Variants in PROCA1 observed in about 807,000 individuals in gnomAD.
The protein encoded by PROCA1 is protein interacting with cyclin A1, also known as protein PROCA1.
A neutral mutation model predicts 23.2 loss-of-function variants in PROCA1; 22 were observed. The ratio of observed to expected loss-of-function variants is 0.95; its 90% confidence interval spans 0.68 to 1.35. The LOEUF (loss-of-function observed/expected upper bound fraction) is 1.35. Ranked by LOEUF, PROCA1 falls within the 40% of genes most tolerant of loss-of-function variation. The pLI is 0.00. For missense variants in PROCA1, 469 were observed against 459.8 expected (o/e 1.02, Z -0.18); for synonymous variants, 182 against 179.2 (o/e 1.02, Z -0.12).
Position 28,704,127 on chromosome 17 carries a change from C to G in PROCA1, c.526G>C (p.Glu176Gln). 1 of 1,565,930 alleles carries G rather than the reference C, an allele frequency of 6.4e-7. No individual in the cohort carries two copies. The highest frequency in any genetic ancestry group is 8.6e-7 in the Non-Finnish European group (1 of 1,162,398). The change falls in exon 5 of 5, where the codon GAG becomes CAG. Residue 176 changes from glutamate to glutamine, a missense_variant. Physicochemically the swap from Glu to Gln is conservative, Grantham distance 29. Coordinates refer to ENST00000682792, the MANE Select transcript of PROCA1 (RefSeq NM_001366301.1). ...TTGCTTTCCTCCTCCTCCTCTTCCT[C>G]TTCTTCATTTAGATCATCTGCCCCA... Reference protein sequence around the residue: ...ECGADDLNEEEEEEEEESKPP... With the variant: ...ECGADDLNEEQEEEEEESKPP...
Position 28,711,740 on chromosome 17 carries a change from GC to G in PROCA1, c.-81del. 1 of 1,296,686 alleles carries G rather than the reference GC, an allele frequency of 7.7e-7. No homozygotes were observed. The highest frequency in any genetic ancestry group is 1.1e-6 in the Non-Finnish European group (1 of 950,992). The allele number at this position is 1,296,686 out of a possible 1,614,324, so 80.3% of individuals were successfully genotyped here. On this transcript the variant is annotated 5_prime_UTR_variant, in exon 1 of 5. An upstream open reading frame in the 5' UTR gains an earlier in-frame stop. Transcript: ENST00000682792. ...GAGCCTCAGCCCGGCCGAGCCCTCG[GC>G]CCAGCCGTGAACTCCAGTCTCGGCT... is the stretch of plus-strand genomic sequence containing the variant.
rs975660764 is a variant in PROCA1 at position 28,704,167 on chromosome 17, T to A, written c.486A>T (p.Pro162=). Residue 162 remains proline, a synonymous_variant, in exon 5 of 5, where the codon CCA becomes CCT. Coordinates refer to ENST00000682792, the MANE Select transcript of PROCA1 (RefSeq NM_001366301.1). ...CATCTGCCCCACACTCATGGTAGAG[T>A]GGATGGTGGATCACTGCCACAGAGA... ...RPVSVAVIHH[P]LYHECGADDL... is the part of the protein sequence containing the mutation. 6.5e-6 allele frequency: 10 copies of A among 1,541,982 alleles called. 1 individual carries two copies. In the South Asian group the frequency reaches 1.3e-4, roughly 19 times the overall value.
chr17:28,711,780 G>A lies in PROCA1; in HGVS notation c.-120C>T, dbSNP rs866750672. On this transcript the variant is annotated 5_prime_UTR_variant, in exon 1 of 5. Coordinates refer to ENST00000682792, the MANE Select transcript of PROCA1 (RefSeq NM_001366301.1). The stretch of plus-strand genomic sequence containing the variant: ...CCAGTCTCGGCTTCGCCCCCGCCTA[G>A]CCCCTAACCCCGCCTCATGCTGGCG... The A allele has an allele frequency of 1.5e-4, 120 of 795,672 alleles. No individual in the cohort carries two copies. Among genetic ancestry groups the A allele is most frequent in the Admixed American group, 7.8e-4 (22 of 28,218 alleles). The allele number at this position is 795,672 out of a possible 1,614,324, so 49.3% of individuals were successfully genotyped here. A position where few individuals can be genotyped will look rare whatever the true frequency, so the allele number is the denominator to read the frequency against.
chr17:28,710,803 T>C, intron 1 of PROCA1: 1 of 1,303,780 alleles, frequency 7.7e-7, no homozygotes, highest in Non-Finnish European at 1.0e-6. Flanking sequence ...TGAAAGAAAG[T>C]GGGAGGCTTA....
chr17:28,711,211 G>T, intron 1 of PROCA1: 2 of 1,117,108 alleles, frequency 1.8e-6, no homozygotes, highest in African/African-American at 1.6e-5. Flanking sequence ...GGTGGGCGCT[G>T]GTCCACGGGC....
intron 1 of PROCA1, among the ~76,000 whole-genome samples, chr17:28,708,516 T>A (rs915746012): frequency 6.6e-6 from 1 of 152,190 alleles, no homozygotes; most frequent in Non-Finnish European, 1.5e-5. Flanking sequence ...TACAAAAGCA[T>A]GTCCTGGATA....
chr17:28,704,935 C>T, intron 2 of PROCA1, 92 bp from the exon 3 acceptor site: 2 of 1,244,610 alleles, frequency 1.6e-6, no homozygotes, highest in Non-Finnish European at 2.3e-6. Context: ...ATTCACCTGC[C>T]ACCACCAGCT....
chr17:28,711,483 G>A (rs1332652757), intron 1 of PROCA1, 87 bp downstream of exon 1: 18 of 1,136,240 alleles, frequency 1.6e-5, no homozygotes, highest in Non-Finnish European at 2.2e-5. Flanking sequence ...CGTCTCCCTC[G>A]TCGGTTTGCC....
chr17:28,704,554 ATTTCTCT>A, intron 3 of PROCA1, 119 bp from the exon 4 acceptor site: 1 of 1,543,816 alleles, frequency 6.5e-7, no homozygotes, highest in Non-Finnish European at 8.7e-7. Flanking sequence ...CCTCCTCCCC[ATTTCTCT>A]TAGAGCAGAG....
intron 1 of PROCA1, chr17:28,707,333 GGAAA>G (rs2151685204): frequency 6.5e-6 from 1 of 153,238 alleles, no homozygotes; most frequent in East Asian, 1.9e-4. Context: ...CTTAAGGAAG[GGAAA>G]CTGATTGCTT....
chr17:28,706,716 C>T lies in PROCA1; in HGVS notation c.139G>A (p.Val47Met), dbSNP rs1420706855. Residue 47 changes from valine (V) to methionine (M), a missense_variant, in exon 2 of 5, where the codon GTG becomes ATG. Transcript: ENST00000682792. The part of the protein sequence containing the change: ...SWERGHLLAG[V>M]ASSTDVSTFS... ...GTAGACACATCAGTGCTGGACGCCA[C>T]ACCAGCCAGCAGATGTCCTCTCTCC... The T allele has an allele frequency of 7.7e-7, 1 of 1,303,806 alleles. No homozygotes were observed. The highest frequency in any genetic ancestry group is 1.0e-6 in the Non-Finnish European group (1 of 988,870). 80.8% of individuals were successfully genotyped at this position (1,303,806 alleles called of 1,614,324 possible). A position where few individuals can be genotyped will look rare whatever the true frequency, so the allele number is the denominator to read the frequency against.
At chr17:28,709,073 G>A (rs1201282172) in intron 1 of PROCA1, among the ~76,000 whole-genome samples, 1 of 152,188 alleles carries the variant, frequency 6.6e-6, no homozygotes. Context: ...ACTCAGAGAG[G>A]ATAAGTAATT....
intron 1 of PROCA1, chr17:28,710,892 A>T: frequency 7.7e-7 from 1 of 1,303,428 alleles, no homozygotes; most frequent in Non-Finnish European, 1.0e-6. Flanking sequence ...ATCTGTACAG[A>T]ATCCTCCCCG....
At position 28,704,401 on chromosome 17, in the gene PROCA1, G is replaced by A. The variant is rs148075248; in HGVS notation, c.346C>T (p.Arg116Trp). ...TGGGAGCAGGTTGGGCCCGCGCCCC[G>A]GGAGCTGCTGCTATCCTCTGAAGAG... ...KDSSEDSSSS[R>W]GAGPTCSHVI... The change falls in exon 4 of 5, where the codon CGG becomes TGG. Residue 116 changes from arginine to tryptophan, a missense_variant. Physicochemically the swap from Arg to Trp is moderately radical, Grantham distance 101. Transcript: ENST00000682792. The A allele has an allele frequency of 4.9e-5, 79 of 1,613,804 alleles. No individual in the cohort carries two copies. The Middle Eastern group carries it at 5.1e-4, about 10-fold the overall frequency.
At position 28,711,672 on chromosome 17, in the gene PROCA1, C is replaced by G; in HGVS notation, c.-12G>C. ...GTCCTGACCCACATCGCTCTCCGCC[C>G]AGGTCTTCGTCTCTACAGGACTCTT... On this transcript the variant is annotated 5_prime_UTR_variant, in exon 1 of 5. Coordinates refer to ENST00000682792, the MANE Select transcript of PROCA1 (RefSeq NM_001366301.1). 1 of 1,611,180 alleles carries G rather than the reference C, an allele frequency of 6.2e-7. No homozygotes were observed. The highest frequency in any genetic ancestry group is 8.5e-7 in the Non-Finnish European group (1 of 1,178,736).
intron 1 of PROCA1, among the ~76,000 whole-genome samples, chr17:28,709,023 A>C (rs975125260): frequency 2.0e-5 from 3 of 152,124 alleles, no homozygotes; most frequent in Admixed American, 2.0e-4. Context: ...TTGATTCTAA[A>C]TCCCCACCAC....
chr17:28,711,257 G>A, intron 1 of PROCA1: 2 of 723,328 alleles, frequency 2.8e-6, no homozygotes, highest in South Asian at 2.4e-5. Flanking sequence ...GCAGCGGCCT[G>A]CGCCCGGTGC....
At chr17:28,711,239 C>T (rs1485078044) in intron 1 of PROCA1, 17 of 946,174 alleles carry the variant, frequency 1.8e-5, no homozygotes, top group Non-Finnish European at 2.4e-5. Context: ...AAGGCCGGCG[C>T]TTCAAGGGCA....
At chr17:28,708,250 C>T (rs539048849) in intron 1 of PROCA1, among the ~76,000 whole-genome samples, 17 of 152,220 alleles carry the variant, frequency 1.1e-4, no homozygotes, top group Non-Finnish European at 2.1e-4. Flanking sequence ...CCTTGTGATC[C>T]GCCCTCGGCC....
Sources: gnomAD v4.1 joint callset for allele counts (sites outside exome capture counted in the v4.1 genomes callset) on GRCh38, gnomAD v4.1.1 for gene constraint, MANE v1.5 for transcripts, NCBI Gene and HGNC (gene_info 2026-07-23, HGNC 2026-07-21) for gene names.